RALGAPB: variants seen among roughly 807,000 people sequenced by gnomAD.
The protein encoded by RALGAPB is Ral GTPase activating protein non-catalytic subunit beta, also known as ral GTPase-activating protein subunit beta.
RALGAPB carries 25 observed loss-of-function variants against 161.1 expected under a neutral mutation model. That is an observed-to-expected ratio of 0.16 (90% CI 0.11 to 0.22). RALGAPB has a LOEUF of 0.22. RALGAPB is among the 10% of genes least tolerant of loss of function. The pLI is 1.00. For synonymous variants in RALGAPB, 629 were observed against 626.1 expected (o/e 1.00, Z -0.07); for missense variants, 1,391 against 1,815.2 (o/e 0.77, Z 4.25).
chr20:38,565,141 T>C (rs1472203661), intron 24 of RALGAPB, among the ~76,000 whole-genome samples: 1 of 152,180 alleles, frequency 6.6e-6, no homozygotes, highest in African/African-American at 2.4e-5. Flanking sequence ...TGGTCTGATA[T>C]ACAGTCGTTT....
intron 2 of RALGAPB, 29 bp downstream of exon 2, chr20:38,488,647 T>G (rs752568379): frequency 1.9e-6 from 3 of 1,569,412 alleles, no homozygotes; most frequent in African/African-American, 2.7e-5. Flanking sequence ...CATTCTCTTA[T>G]ATGAAAATGT....
intron 1 of RALGAPB, among the ~76,000 whole-genome samples, chr20:38,483,655 A>G (rs567005778): frequency 6.6e-5 from 10 of 152,316 alleles, no homozygotes; most frequent in South Asian, 4.1e-4. Context: ...AAGTGTGCCA[A>G]CTTACTAACG....
chr20:38,491,610 A>G (rs1039120380), intron 2 of RALGAPB, among the ~76,000 whole-genome samples: 1 of 152,232 alleles, frequency 6.6e-6, no homozygotes, highest in African/African-American at 2.4e-5. Flanking sequence ...TAAAATTTCT[A>G]GTTGGAAGAC....
intron 28 of RALGAPB, among the ~76,000 whole-genome samples, chr20:38,571,094 A>G (rs2088219778): frequency 6.6e-6 from 1 of 152,216 alleles, no homozygotes; most frequent in Non-Finnish European, 1.5e-5. Flanking sequence ...TTTAATGTAT[A>G]CAACTTGATG....
intron 18 of RALGAPB, among the ~76,000 whole-genome samples, chr20:38,541,832 A>G (rs528813236): frequency 6.6e-6 from 1 of 152,296 alleles, no homozygotes; most frequent in South Asian, 2.1e-4. Flanking sequence ...TCAGAGTAAC[A>G]TTTCTTGAGG....
intron 1 of RALGAPB, among the ~76,000 whole-genome samples, chr20:38,474,403 C>T (rs1349252120): frequency 9.9e-5 from 15 of 152,126 alleles, no homozygotes; most frequent in Admixed American, 9.8e-4. Flanking sequence ...AGTCCTCCCA[C>T]CTCAGCCTCT....
chr20:38,552,802 T>A (rs1239211230), intron 21 of RALGAPB, among the ~76,000 whole-genome samples: 4 of 152,186 alleles, frequency 2.6e-5, no homozygotes, highest in Non-Finnish European at 1.5e-5. Context: ...TTATCTATAG[T>A]GAAGTTATTT....
At chr20:38,503,408 C>T (rs1418462147) in intron 5 of RALGAPB, among the ~76,000 whole-genome samples, 2 of 152,092 alleles carry the variant, frequency 1.3e-5, no homozygotes, top group Admixed American at 1.3e-4. Context: ...TTGATTCCAA[C>T]CCTAATGAAT....
chr20:38,530,037 TC>T (rs1250487495), intron 13 of RALGAPB, among the ~76,000 whole-genome samples: 1 of 152,186 alleles, frequency 6.6e-6, no homozygotes, highest in African/African-American at 2.4e-5. Context: ...TGGGAGCACT[TC>T]CAGCATCACT....
chr20:38,554,467 A>T, intron 22 of RALGAPB, among the ~76,000 whole-genome samples: 1 of 152,226 alleles, frequency 6.6e-6, no homozygotes. Flanking sequence ...CTTTCATGCC[A>T]CTTTTAGAAA....
Position 38,521,673 on chromosome 20 carries a change from G to A in RALGAPB, c.1594G>A (p.Glu532Lys). ...TTTTTGTAGCAAGAAGACTGGAGAA[G>A]AGATTCTGCCAGCTTATTTATCCAG... ...RIFCSKKTGE[E>K]ILPAYLSRFY... The change falls in exon 10 of 30, where the codon GAG becomes AAG. Residue 532 changes from glutamate to lysine, a missense_variant. Glu to Lys is a moderately conservative substitution (Grantham distance 56). Coordinates refer to ENST00000262879, the MANE Select transcript of RALGAPB (RefSeq NM_020336.4). 1 of 1,614,146 alleles carries A rather than the reference G, an allele frequency of 6.2e-7. No individual in the cohort carries two copies. Among genetic ancestry groups the A allele is most frequent in the Non-Finnish European group, 8.5e-7 (1 of 1,179,986 alleles).
intron 15 of RALGAPB, among the ~76,000 whole-genome samples, chr20:38,533,245 T>G (rs1012449208): frequency 6.6e-5 from 10 of 152,040 alleles, no homozygotes; most frequent in African/African-American, 2.4e-4. Context: ...TAATGGGGGA[T>G]GGATTAGATA....
chr20:38,570,853 C>T lies in RALGAPB; in HGVS notation c.4142+6C>T. ...AATAGTAGCACTTCACTGAGGTACA[C>T]TCTATTTGCTTGAAGTTCATCAGCG... On this transcript the variant is annotated splice_donor_region_variant and intron_variant, in intron 28 of 29. Coordinates refer to ENST00000262879, the MANE Select transcript of RALGAPB (RefSeq NM_020336.4). The T allele has an allele frequency of 6.4e-7, 1 of 1,571,554 alleles. No homozygotes were observed. Among genetic ancestry groups the T allele is most frequent in the Non-Finnish European group, 8.7e-7 (1 of 1,144,636 alleles).
intron 11 of RALGAPB, 72 bp from the exon 12 acceptor site, chr20:38,525,332 T>C: frequency 1.0e-6 from 1 of 981,452 alleles, no homozygotes; most frequent in Non-Finnish European, 1.6e-6. Context: ...AAAATTGGCA[T>C]TATATGTATT....
chr20:38,485,966 CTTTTT>C (rs11481893), intron 1 of RALGAPB, among the ~76,000 whole-genome samples: 3 of 90,714 alleles, frequency 3.3e-5, no homozygotes, highest in African/African-American at 1.3e-4. Context: ...CTTTCTATAT[CTTTTT>C]TTTTTTTTTT....
intron 1 of RALGAPB, among the ~76,000 whole-genome samples, chr20:38,484,559 AT>A (rs1464807881): frequency 6.6e-6 from 1 of 151,584 alleles, no homozygotes; most frequent in Admixed American, 6.6e-5. Context: ...TTTTTGTTTT[AT>A]TTTGTTTTGA....
At chr20:38,555,374 AT>A (rs1295145159) in intron 22 of RALGAPB, among the ~76,000 whole-genome samples, 2 of 152,004 alleles carry the variant, frequency 1.3e-5, no homozygotes, top group Admixed American at 6.6e-5. Flanking sequence ...TAGCGGGAAA[AT>A]TTTTTTTGTA....
chr20:38,562,518 G>A lies in RALGAPB; in HGVS notation c.3532-14G>A. ...GTTTCCTTCATTATAGCTGATGATT[G>A]GTATGTATTTCAGATTTTAAAGAAT... On this transcript the variant is annotated splice_polypyrimidine_tract_variant and intron_variant, in intron 23 of 29. Transcript: ENST00000262879. 3 of 1,568,822 alleles carry A rather than the reference G, an allele frequency of 1.9e-6. No individual in the cohort carries two copies. The highest frequency in any genetic ancestry group is 2.6e-6 in the Non-Finnish European group (3 of 1,152,654).
intron 6 of RALGAPB, among the ~76,000 whole-genome samples, chr20:38,515,964 A>C (rs192803533): frequency 1.3e-5 from 2 of 152,190 alleles, no homozygotes; most frequent in African/African-American, 4.8e-5. Flanking sequence ...AATTTTTTCT[A>C]GTCTTACTTT....
Sources: gnomAD v4.1 joint callset for allele counts (sites outside exome capture counted in the v4.1 genomes callset) on GRCh38, gnomAD v4.1.1 for gene constraint, MANE v1.5 for transcripts, NCBI Gene and HGNC (gene_info 2026-07-23, HGNC 2026-07-21) for gene names.